CACNA2D3: variants seen among roughly 807,000 people sequenced by gnomAD.
CACNA2D3 encodes voltage-dependent calcium channel subunit alpha-2/delta-3.
CACNA2D3 carries 60 observed loss-of-function variants against 160.6 expected under a neutral mutation model. The observed-to-expected ratio is 0.37, with a 90% CI of 0.30 to 0.46. The LOEUF is 0.46. Among genes scored for constraint, CACNA2D3 ranks in the 20% least tolerant of loss-of-function variants. CACNA2D3 has a pLI of 1.00. For synonymous variants in CACNA2D3, 558 were observed against 492.9 expected (o/e 1.13, Z -1.75); for missense variants, 1,205 against 1,365.0 (o/e 0.88, Z 1.85).
chr3:54,222,049 G>A (rs755310211), intron 2 of CACNA2D3, among the ~76,000 whole-genome samples: 9 of 152,012 alleles, frequency 5.9e-5, no homozygotes, highest in East Asian at 3.9e-4. Flanking sequence ...TTGAACCCAC[G>A]GATGCAGAAC....
At chr3:55,022,805 C>G (rs1282213637) in intron 35 of CACNA2D3, among the ~76,000 whole-genome samples, 2 of 151,628 alleles carry the variant, frequency 1.3e-5, no homozygotes, top group South Asian at 2.1e-4. Flanking sequence ...AGGATCTCCT[C>G]TCTCCTCCAG....
At chr3:54,259,524 A>C (rs1413453968) in intron 2 of CACNA2D3, among the ~76,000 whole-genome samples, 1 of 152,186 alleles carries the variant, frequency 6.6e-6, no homozygotes, top group African/African-American at 2.4e-5. Flanking sequence ...TGCTGGATGG[A>C]GAGCCGGATA....
In CACNA2D3 at chr3:54,948,492, G is replaced by A. The variant is rs552032741; in HGVS notation, c.2450-19958G>A. 6.6e-5 allele frequency among the ~76,000 whole-genome samples: 10 copies of A among 152,306 alleles called. 1 individual carries two copies. Among genetic ancestry groups the A allele is most frequent in the African/African-American group, 2.4e-4 (10 of 41,576 alleles). On this transcript the variant is annotated intron_variant, in intron 27 of 37. Transcript: ENST00000474759. The stretch of plus-strand genomic sequence containing the variant: ...TGGCCTATGTACATTCAACTAGTAT[G>A]GGCAAAGGTAGCATCTTCCTGCAGT...
At chr3:55,024,655 CTG>C (rs933624545) in intron 35 of CACNA2D3, among the ~76,000 whole-genome samples, 2 of 152,204 alleles carry the variant, frequency 1.3e-5, no homozygotes, top group African/African-American at 4.8e-5. Context: ...GCCTCCAAAA[CTG>C]TGAGCAATAA....
Position 54,515,789 on chromosome 3 carries a change from G to C in CACNA2D3, c.544+12135G>C, listed in dbSNP as rs1392395597. 2.0e-5 allele frequency among the ~76,000 whole-genome samples: 3 copies of C among 152,156 alleles called. No homozygotes were observed. The East Asian group carries it at 5.8e-4, about 29-fold the overall frequency. On this transcript the variant is annotated intron_variant, in intron 5 of 37. Coordinates refer to ENST00000474759, the MANE Select transcript of CACNA2D3 (RefSeq NM_018398.3). Reference sequence around the variant, plus strand: ...CAAATATGAAGAACATTCTGCACTTGGGAAAAAAATATGTCAGTGCTTCCA... The same window carrying C: ...CAAATATGAAGAACATTCTGCACTTCGGAAAAAAATATGTCAGTGCTTCCA...
At chr3:54,867,397 C>T (rs1170591862) in intron 17 of CACNA2D3, among the ~76,000 whole-genome samples, 1 of 151,994 alleles carries the variant, frequency 6.6e-6, no homozygotes, top group Admixed American at 6.6e-5. Flanking sequence ...ATGGAAGCAC[C>T]AGTGTTTGTG....
intron 3 of CACNA2D3, among the ~76,000 whole-genome samples, chr3:54,328,386 A>G (rs1224273409): frequency 6.6e-6 from 1 of 151,612 alleles, no homozygotes; most frequent in Non-Finnish European, 1.5e-5. Context: ...GGTTCAAGCA[A>G]CTCTCCTGCC....
intron 9 of CACNA2D3, among the ~76,000 whole-genome samples, chr3:54,621,963 C>T (rs535364208): frequency 5.9e-5 from 9 of 151,806 alleles, no homozygotes; most frequent in Middle Eastern, 3.2e-3. Context: ...CTTCTTTTTT[C>T]GGGTCCCCCA....
chr3:54,769,905 A>G (rs548758872), intron 13 of CACNA2D3, among the ~76,000 whole-genome samples: 44 of 152,282 alleles, frequency 2.9e-4, no homozygotes, highest in African/African-American at 9.6e-4. Flanking sequence ...GCCAGGCACT[A>G]ATGTCTGGGG....
chr3:54,501,708 C>G (rs1428188095), intron 4 of CACNA2D3, among the ~76,000 whole-genome samples: 1 of 152,122 alleles, frequency 6.6e-6, no homozygotes, highest in Non-Finnish European at 1.5e-5. Flanking sequence ...GTGTGAGCCA[C>G]TGTGCCTGGC....
Position 54,417,802 on chromosome 3 carries a change from G to T in CACNA2D3, c.381+31028G>T, listed in dbSNP as rs905726714. On this transcript the variant is annotated intron_variant, in intron 4 of 37. Coordinates refer to ENST00000474759, the MANE Select transcript of CACNA2D3 (RefSeq NM_018398.3). ...TGTGTGTATCTGTGTGTGTGGGGGG[G>T]GGGGTGGGGGGGTTACTCCTGTCAC... 3.4e-5 allele frequency among the ~76,000 whole-genome samples: 5 copies of T among 145,212 alleles called. No homozygotes were observed. In the South Asian group the frequency reaches 7.1e-4, roughly 21 times the overall value.
rs372942287 is a variant in CACNA2D3, at chr3:54,945,738, C to T, written c.2450-22712C>T. Reference sequence around the variant, plus strand: ...ACCCCATTAGGTGTCTATAGGCAGCCTTGCTTTTTTCAAGATTATAGGTGT... The same window carrying T: ...ACCCCATTAGGTGTCTATAGGCAGCTTTGCTTTTTTCAAGATTATAGGTGT... On this transcript the variant is annotated intron_variant, in intron 27 of 37. Transcript: ENST00000474759. Among the ~76,000 whole-genome samples the T allele has an allele frequency of 2.4e-3, 358 of 152,274 alleles. 1 individual carries two copies. Among genetic ancestry groups the T allele is most frequent in the Middle Eastern group, 6.8e-3 (2 of 294 alleles).
chr3:54,372,362 C>T (rs1698939429), intron 3 of CACNA2D3, among the ~76,000 whole-genome samples: 1 of 152,090 alleles, frequency 6.6e-6, no homozygotes, highest in Non-Finnish European at 1.5e-5. Flanking sequence ...GAGTATTGTG[C>T]TGGAAGCAAG....
intron 27 of CACNA2D3, among the ~76,000 whole-genome samples, chr3:54,955,519 C>T (rs1175950686): frequency 2.0e-5 from 3 of 152,282 alleles, no homozygotes; most frequent in Non-Finnish European, 4.4e-5. Flanking sequence ...GAGTCCCTCC[C>T]TGCACTTAGG....
chr3:54,867,229 A>T lies in CACNA2D3; in HGVS notation c.1627-4310A>T, dbSNP rs114990045. On this transcript the variant is annotated intron_variant, in intron 17 of 37. Coordinates refer to ENST00000474759, the MANE Select transcript of CACNA2D3 (RefSeq NM_018398.3). ...CTGCATGGGAGAAGGGAGATTGGGC[A>T]TGGGAGTTGGACATATGAGAATTTA... Among the ~76,000 whole-genome samples, 501 of 152,232 alleles carry T rather than the reference A, an allele frequency of 3.3e-3. 4 individuals carry two copies. The highest frequency in any genetic ancestry group is 0.011 in the African/African-American group (467 of 41,548).
chr3:54,355,650 T>A (rs756051332), intron 3 of CACNA2D3, among the ~76,000 whole-genome samples: 1 of 152,126 alleles, frequency 6.6e-6, no homozygotes, highest in Admixed American at 6.5e-5. Flanking sequence ...AAGTTTGAGA[T>A]GTCTATTACA....
At chr3:54,427,389 A>G (rs1177515634) in intron 4 of CACNA2D3, among the ~76,000 whole-genome samples, 2 of 152,102 alleles carry the variant, frequency 1.3e-5, no homozygotes, top group African/African-American at 4.8e-5. Context: ...GGAGGGCCTC[A>G]GCATCATGCT....
At chr3:54,910,216 A>G (rs1179140071) in intron 27 of CACNA2D3, among the ~76,000 whole-genome samples, 1 of 152,214 alleles carries the variant, frequency 6.6e-6, no homozygotes, top group Non-Finnish European at 1.5e-5. Flanking sequence ...TTTCAGAATG[A>G]AAACATCGTG....
At chr3:54,511,578 G>T (rs536322932) in intron 5 of CACNA2D3, among the ~76,000 whole-genome samples, 1 of 152,090 alleles carries the variant, frequency 6.6e-6, no homozygotes, top group Admixed American at 6.6e-5. Flanking sequence ...TTACTTTCAG[G>T]ATCTAATTTG....
Sources: gnomAD v4.1 joint callset for allele counts (sites outside exome capture counted in the v4.1 genomes callset) on GRCh38, gnomAD v4.1.1 for gene constraint, MANE v1.5 for transcripts, NCBI Gene and HGNC (gene_info 2026-07-23, HGNC 2026-07-21) for gene names.